PPARGC1A: variants seen among roughly 807,000 people sequenced by gnomAD.
PPARGC1A encodes PPARG coactivator 1 alpha, also known as peroxisome proliferator-activated receptor gamma coactivator 1-alpha.
Under a neutral mutation model 88.7 loss-of-function variants are expected in PPARGC1A, and 25 were observed. The observed-to-expected ratio is 0.28, with a 90% CI of 0.21 to 0.39. The LOEUF is 0.39. Among genes scored for constraint, PPARGC1A ranks in the 10% least tolerant of loss-of-function variants. The pLI is 1.00. For missense variants in PPARGC1A, 880 were observed against 968.7 expected (o/e 0.91, Z 1.22); for synonymous variants, 363 against 355.6 (o/e 1.02, Z -0.24).
At chr4:23,840,792 T>G (rs1726930943) in intron 2 of PPARGC1A, among the ~76,000 whole-genome samples, 1 of 152,162 alleles carries the variant, frequency 6.6e-6, no homozygotes, top group African/African-American at 2.4e-5. Flanking sequence ...ATTCTTCTTT[T>G]GTTGTTGTTG....
At chr4:24,259,331 C>T in the PPARGC1A span, among the ~76,000 whole-genome samples, 1 of 152,150 alleles carries the variant, frequency 6.6e-6, no homozygotes, top group Non-Finnish European at 1.5e-5. Flanking sequence ...ACATTCCCAC[C>T]TCAGGAACTT....
At chr4:23,808,108 G>A (rs753813108) in intron 10 of PPARGC1A, among the ~76,000 whole-genome samples, 48 of 151,978 alleles carry the variant, frequency 3.2e-4, no homozygotes, top group Middle Eastern at 6.8e-3. Flanking sequence ...AAAATTAGCC[G>A]GGCGTGGTGG....
the PPARGC1A span, among the ~76,000 whole-genome samples, chr4:24,378,550 A>T: frequency 5.9e-5 from 9 of 152,202 alleles, no homozygotes; most frequent in African/African-American, 2.2e-4. Flanking sequence ...AACGGATAAC[A>T]CTAAAATACT....
the PPARGC1A span, among the ~76,000 whole-genome samples, chr4:24,186,294 G>A: frequency 6.6e-6 from 1 of 152,162 alleles, no homozygotes; most frequent in African/African-American, 2.4e-5. Flanking sequence ...TGCGAATCCA[G>A]TAAGTTAGAG....
rs190805317 is a variant in PPARGC1A at position 23,868,463 on chromosome 4, G to C, written c.234+16289C>G. 1.7e-3 allele frequency among the ~76,000 whole-genome samples: 265 copies of C among 152,258 alleles called. 1 individual carries two copies. Among genetic ancestry groups the C allele is most frequent in the African/African-American group, 6.0e-3 (249 of 41,552 alleles). On this transcript the variant is annotated intron_variant, in intron 2 of 12. Transcript: ENST00000264867. The stretch of plus-strand genomic sequence containing the variant: ...TCTCTCTCTTTCTGAATTTGGTAGA[G>C]CCCCTGTAAATCTGTCCATTAACAA...
the PPARGC1A span, among the ~76,000 whole-genome samples, chr4:24,301,689 GTTTTA>G: frequency 1.3e-5 from 2 of 149,856 alleles, no homozygotes; most frequent in African/African-American, 4.9e-5. Context: ...TACTTTTTAA[GTTTTA>G]TTTTATTTTT....
the PPARGC1A span, among the ~76,000 whole-genome samples, chr4:24,447,230 C>T: frequency 7.7e-4 from 117 of 152,306 alleles, 1 homozygote; most frequent in African/African-American, 2.7e-3. Context: ...AAAACAACAA[C>T]AATTGACACT....
chr4:23,828,713 T>C (rs1429226316), intron 4 of PPARGC1A, 109 bp from the exon 5 acceptor site: 2 of 937,062 alleles, frequency 2.1e-6, no homozygotes, highest in East Asian at 4.9e-5. Flanking sequence ...TCAGTCTAAG[T>C]GTACTAGATC....
chr4:23,939,770 C>G, the PPARGC1A span, among the ~76,000 whole-genome samples: 2 of 152,128 alleles, frequency 1.3e-5, no homozygotes, highest in African/African-American at 4.8e-5. Flanking sequence ...TTAACTCTCA[C>G]AACTCAAGAA....
At chr4:23,840,145 A>G (rs1726803855) in intron 2 of PPARGC1A, among the ~76,000 whole-genome samples, 1 of 152,080 alleles carries the variant, frequency 6.6e-6, no homozygotes, top group Non-Finnish European at 1.5e-5. Context: ...CTCTAAGACT[A>G]AAAGCTAAAT....
chr4:24,069,925 G>A, the PPARGC1A span, among the ~76,000 whole-genome samples: 2 of 152,170 alleles, frequency 1.3e-5, no homozygotes, highest in East Asian at 3.9e-4. Context: ...GAGACAGGAT[G>A]CCTGGCTGAG....
chr4:24,294,122 C>A, the PPARGC1A span, among the ~76,000 whole-genome samples: 1 of 152,166 alleles, frequency 6.6e-6, no homozygotes, highest in Non-Finnish European at 1.5e-5. Context: ...CGAGCTCATA[C>A]CAAAGCCGAG....
At chr4:24,388,781 GAC>G in the PPARGC1A span, among the ~76,000 whole-genome samples, 1 of 151,874 alleles carries the variant, frequency 6.6e-6, no homozygotes, top group Non-Finnish European at 1.5e-5. Flanking sequence ...AGAACACATG[GAC>G]ACAGGGAGGG....
At chr4:24,213,403 T>C in the PPARGC1A span, among the ~76,000 whole-genome samples, 17 of 152,102 alleles carry the variant, frequency 1.1e-4, no homozygotes, top group African/African-American at 4.1e-4. Flanking sequence ...CCTGACCTCG[T>C]GATCCGCCCG....
the PPARGC1A span, among the ~76,000 whole-genome samples, chr4:24,433,194 C>A: frequency 7.9e-5 from 12 of 152,100 alleles, no homozygotes; most frequent in Non-Finnish European, 1.5e-4. Flanking sequence ...TCCTTCCCTG[C>A]CAGATTGACT....
chr4:23,970,134 T>C, the PPARGC1A span, among the ~76,000 whole-genome samples: 1 of 152,226 alleles, frequency 6.6e-6, no homozygotes, highest in African/African-American at 2.4e-5. Flanking sequence ...AGATTCTTAC[T>C]TTACTAGCTA....
At chr4:24,077,471 A>G in the PPARGC1A span, among the ~76,000 whole-genome samples, 1 of 152,068 alleles carries the variant, frequency 6.6e-6, no homozygotes, top group East Asian at 1.9e-4. Flanking sequence ...AAATTTGTCA[A>G]TATAATTATC....
chr4:24,410,151 A>G, the PPARGC1A span, among the ~76,000 whole-genome samples: 9 of 152,176 alleles, frequency 5.9e-5, no homozygotes, highest in East Asian at 5.8e-4. Context: ...GTCTGTTACT[A>G]TTGAAAAAAT....
At chr4:24,285,237 T>G in the PPARGC1A span, among the ~76,000 whole-genome samples, 34 of 152,306 alleles carry the variant, frequency 2.2e-4, no homozygotes, top group African/African-American at 7.9e-4. Context: ...TGGTTTATGC[T>G]TTTGCATTAA....
Sources: gnomAD v4.1 joint callset for allele counts (sites outside exome capture counted in the v4.1 genomes callset) on GRCh38, gnomAD v4.1.1 for gene constraint, MANE v1.5 for transcripts, NCBI Gene and HGNC (gene_info 2026-07-23, HGNC 2026-07-21) for gene names.